The following CEACAM16 variants were observed in gnomAD, a reference collection of about 807,000 sequenced individuals.
CEACAM16 encodes cell adhesion molecule CEACAM16.
A neutral mutation model predicts 39.4 loss-of-function variants in CEACAM16; 30 were observed. That is an observed-to-expected ratio of 0.76 (90% CI 0.57 to 1.03). The LOEUF is 1.03. Among genes scored for constraint, CEACAM16 ranks in the 50% least tolerant of loss-of-function variants. CEACAM16 has a pLI of 0.00. For synonymous variants in CEACAM16, 262 were observed against 264.9 expected (o/e 0.99, Z 0.11); for missense variants, 521 against 585.3 (o/e 0.89, Z 1.13).
chr19:44,708,276 C>T (rs1207822374), intron 6 of CEACAM16, 89 bp downstream of exon 6: 2 of 1,303,498 alleles, frequency 1.5e-6, no homozygotes, highest in African/African-American at 3.0e-5. Context: ...GCTGGGGGGA[C>T]ATAGACCAAA....
chr19:44,705,866 C>T lies in CEACAM16; in HGVS notation c.938C>T (p.Ser313Phe), dbSNP rs1027930486. Residue 313 changes from serine to phenylalanine, a missense_variant and splice_region_variant, in exon 5 of 7, where the codon TCT becomes TTT. By Grantham distance (155) the Ser-to-Phe change is radical. Transcript: ENST00000587331. ...SGSASVVVKL[S>F]AAAVATMIVP... ...TCTGCCTCAGTCGTGGTCAAGCTCT[C>T]TGGTGAGTCACCCCCAGCCTGACCA... The T allele has an allele frequency of 6.8e-6, 11 of 1,609,570 alleles. No individual in the cohort carries two copies. The highest frequency in any genetic ancestry group is 9.4e-6 in the Non-Finnish European group (11 of 1,176,408).
Position 44,704,194 on chromosome 19 carries a change from G to T in CEACAM16, c.559G>T (p.Ala187Ser). 3 of 1,564,758 alleles carry T rather than the reference G, an allele frequency of 1.9e-6. No homozygotes were observed. Among genetic ancestry groups the T allele is most frequent in the South Asian group, 1.2e-5 (1 of 85,166 alleles). The change falls in exon 4 of 7, where the codon GCC (alanine) becomes TCC (serine). Residue 187 changes from alanine to serine, a missense_variant. Coordinates refer to ENST00000587331, the MANE Select transcript of CEACAM16 (RefSeq NM_001039213.4). ...LGLSPDGRVL[A>S]RHGIRREEAG... ...CCTGTCCCCTGACGGCCGGGTGCTGGCCAGGCATGGCATCCGCCGGGAGGA... is the reference window on the plus strand; with the variant it reads ...CCTGTCCCCTGACGGCCGGGTGCTGTCCAGGCATGGCATCCGCCGGGAGGA...
rs1339448315 is a variant in CEACAM16 at position 44,701,389 on chromosome 19, A to G, written c.-68A>G. The G allele has an allele frequency of 2.0e-6, 3 of 1,523,554 alleles. No individual in the cohort carries two copies. The highest frequency in any genetic ancestry group is 2.7e-6 in the Non-Finnish European group (3 of 1,121,248). 94.4% of individuals were successfully genotyped at this position (1,523,554 alleles called of 1,614,324 possible). A position where few individuals can be genotyped will look rare whatever the true frequency, so the allele number is the denominator to read the frequency against. ...CTGCGGCAGACGGAGCCGAGCCCCA[A>G]CCAGGAAGGGAGTCCGAGCACTGGG... On this transcript the variant is annotated 5_prime_UTR_variant, in exon 2 of 7. Transcript: ENST00000587331. This position sits in a 1 kb window ranked among gnomAD's most constrained non-coding sequence, Gnocchi z 4.0.
At chr19:44,699,431 CTT>C (rs199957735) in intron 1 of CEACAM16, 171 bp downstream of exon 1, 31 of 403,194 alleles carry the variant, frequency 7.7e-5, no homozygotes, top group Admixed American at 1.9e-4. Context: ...AGAGCCTATA[CTT>C]TTTTTTTTTT....
At chr19:44,705,302 A>G (rs1310222785) in intron 4 of CEACAM16, among the ~76,000 whole-genome samples, 2 of 151,780 alleles carry the variant, frequency 1.3e-5, no homozygotes, top group Non-Finnish European at 2.9e-5. Context: ...GAAAAAAAAA[A>G]TCATTTAGGC....
intron 1 of CEACAM16, 95 bp downstream of exon 1, chr19:44,699,355 CTG>C (rs1286756099): frequency 2.0e-6 from 1 of 510,200 alleles, no homozygotes; most frequent in Non-Finnish European, 4.1e-6. Context: ...AATAAGGAAA[CTG>C]AGGCTTGGCA....
intron 2 of CEACAM16, among the ~76,000 whole-genome samples, chr19:44,702,945 G>A (rs1473742862): frequency 6.6e-5 from 10 of 152,182 alleles, no homozygotes; most frequent in Non-Finnish European, 1.3e-4. Context: ...CACAACACAC[G>A]CCTCCCTCCC....
In CEACAM16 at chr19:44,700,893, G is replaced by A. The variant is rs77313492; in HGVS notation, c.-96-468G>A. ...AAATCCCCTCTCCCTGCAGGAACCCGGACAAGTGGGAGTCCCCACCTAGCT... is the reference window on the plus strand; with the variant it reads ...AAATCCCCTCTCCCTGCAGGAACCCAGACAAGTGGGAGTCCCCACCTAGCT... On this transcript the variant is annotated intron_variant, in intron 1 of 6. Coordinates refer to ENST00000587331, the MANE Select transcript of CEACAM16 (RefSeq NM_001039213.4). Among the ~76,000 whole-genome samples, 358 of 152,290 alleles carry A rather than the reference G, an allele frequency of 2.4e-3. 6 individuals are homozygous for A. The East Asian group carries it at 0.048, about 20-fold the overall frequency.
In CEACAM16 at chr19:44,701,515, C is replaced by T. The variant is rs996517970; in HGVS notation, c.37+22C>T. On this transcript the variant is annotated intron_variant, in intron 2 of 6. Coordinates refer to ENST00000587331, the MANE Select transcript of CEACAM16 (RefSeq NM_001039213.4). The surrounding 1 kb of genome is among the most constrained non-coding windows in gnomAD (Gnocchi z 4.0). The stretch of plus-strand genomic sequence containing the variant: ...AGTGGTGAGCGAGAATGGCACCCCC[C>T]AGCACCTCAGCCCCCCGAGGACCCC... 5.1e-6 allele frequency: 8 copies of T among 1,557,574 alleles called. No individual in the cohort carries two copies. The highest frequency in any genetic ancestry group is 7.0e-6 in the Non-Finnish European group (8 of 1,150,498).
intron 4 of CEACAM16, among the ~76,000 whole-genome samples, chr19:44,704,698 A>C (rs146063766): frequency 7.4e-4 from 113 of 152,176 alleles, no homozygotes; most frequent in African/African-American, 2.6e-3. Flanking sequence ...TGATTGCACC[A>C]CTGCACTCCA....
chr19:44,704,156 C>A lies in CEACAM16; in HGVS notation c.521C>A (p.Ala174Asp), dbSNP rs758324906. The A allele has an allele frequency of 7.6e-6, 12 of 1,588,840 alleles. No individual in the cohort carries two copies. The highest frequency in any genetic ancestry group is 1.0e-5 in the Non-Finnish European group (12 of 1,168,642). Residue 174 changes from alanine (A) to aspartate (D), a missense_variant, in exon 4 of 7, where the codon GCT (alanine) becomes GAT (aspartate). By Grantham distance (126) the Ala-to-Asp change is moderately radical (BLOSUM62 -2). Transcript: ENST00000587331. Reference sequence around the variant, plus strand: ...TTCAACGGTGGGGCCCTGCCCGTCGCTCTCCGCCTGGGCCTGTCCCCTGAC... The same window carrying A: ...TTCAACGGTGGGGCCCTGCCCGTCGATCTCCGCCTGGGCCTGTCCCCTGAC... The part of the protein sequence containing the change: ...WFFNGGALPV[A>D]LRLGLSPDGR...
intron 3 of CEACAM16, 36 bp from the exon 4 acceptor site, chr19:44,703,982 T>C: frequency 6.5e-7 from 1 of 1,544,452 alleles, no homozygotes; most frequent in Non-Finnish European, 8.8e-7. Context: ...GCAGGTGGTG[T>C]CCGGCCCCCT....
Position 44,710,625 on chromosome 19 carries a change from T to C in CEACAM16, c.*119T>C. 1 of 1,422,090 alleles carries C rather than the reference T, an allele frequency of 7.0e-7. No homozygotes were observed. The highest frequency in any genetic ancestry group is 1.2e-5 in the South Asian group (1 of 86,168). The allele number at this position is 1,422,090 out of a possible 1,614,324, so 88.1% of individuals were successfully genotyped here. A position where few individuals can be genotyped will look rare whatever the true frequency, so the allele number is the denominator to read the frequency against. On this transcript the variant is annotated 3_prime_UTR_variant, in exon 7 of 7. Coordinates refer to ENST00000587331, the MANE Select transcript of CEACAM16 (RefSeq NM_001039213.4). ...ATGCCAGGCTGTGGTCCTGCTGTTC[T>C]CCTGCCTCCACCCTAGAGCTAGAGC...
rs762263810 is a variant in CEACAM16, at chr19:44,704,072, G to A, written c.437G>A (p.Arg146Gln). 1.1e-5 allele frequency: 17 copies of A among 1,610,208 alleles called. No homozygotes were observed. The highest frequency in any genetic ancestry group is 2.0e-4 in the Middle Eastern group (1 of 4,984). The change falls in exon 4 of 7, where the codon CGA becomes CAA. Residue 146 changes from arginine (R) to glutamine (Q), a missense_variant. Physicochemically the swap from Arg to Gln is conservative, Grantham distance 43. Coordinates refer to ENST00000587331, the MANE Select transcript of CEACAM16 (RefSeq NM_001039213.4). ...LANSTALVERRDTLRLMCSSP... is the reference protein window; with the variant it reads ...LANSTALVERQDTLRLMCSSP... The stretch of plus-strand genomic sequence containing the variant: ...AACAGCACAGCGCTGGTGGAACGTC[G>A]AGACACCCTGCGCCTTATGTGCAGC...
chr19:44,700,823 C>A (rs1400484957), intron 1 of CEACAM16, among the ~76,000 whole-genome samples: 2 of 152,238 alleles, frequency 1.3e-5, no homozygotes, highest in African/African-American at 4.8e-5. Context: ...TGTGGCCATA[C>A]AGTTTCCTGC....
chr19:44,704,717 G>A lies in CEACAM16; in HGVS notation c.661+421G>A, dbSNP rs1225008943. Among the ~76,000 whole-genome samples the A allele has an allele frequency of 2.0e-5, 3 of 151,202 alleles. 1 individual carries two copies. Among genetic ancestry groups the A allele is most frequent in the Admixed American group, 1.3e-4 (2 of 15,160 alleles). On this transcript the variant is annotated intron_variant, in intron 4 of 6. Transcript: ENST00000587331. Reference sequence around the variant, plus strand: ...TGCACCACTGCACTCCAGCCTGGGCGACAGAGCAAGATGCTGTCTCAAAAA... The same window carrying A: ...TGCACCACTGCACTCCAGCCTGGGCAACAGAGCAAGATGCTGTCTCAAAAA...
chr19:44,701,475 A>G lies in CEACAM16; in HGVS notation c.19A>G (p.Ser7Gly). The G allele has an allele frequency of 6.4e-7, 1 of 1,566,272 alleles. No individual in the cohort carries two copies. Among genetic ancestry groups the G allele is most frequent in the South Asian group, 1.2e-5 (1 of 85,022 alleles). Residue 7 changes from serine (S) to glycine (G), a missense_variant, in exon 2 of 7, where the codon AGC becomes GGC. Ser to Gly is a moderately conservative substitution (Grantham distance 56). Transcript: ENST00000587331. This position sits in a 1 kb window ranked among gnomAD's most constrained non-coding sequence, Gnocchi z 4.0. The part of the protein sequence containing the change: MALTGY[S>G]WLLLSATFLN... ...GTGAAAGATGGCGCTGACTGGGTAC[A>G]GCTGGCTGCTCCTCAGTGGTGAGCG...
In CEACAM16 at chr19:44,703,665, G is replaced by A. The variant is rs1270966080; in HGVS notation, c.354G>A (p.Glu118=). The change falls in exon 3 of 7, where the codon GAG becomes GAA. Residue 118 remains glutamate (E), a synonymous_variant. Coordinates refer to ENST00000587331, the MANE Select transcript of CEACAM16 (RefSeq NM_001039213.4). ...CCTTCAACAGGCAGTTGCAGACCGA[G>A]GTGGGCTACGGACACGTGCAGGTCC... ...LQTFNRQLQT[E]VGYGHVQVHE... 6.4e-7 allele frequency: 1 copy of A among 1,569,850 alleles called. No homozygotes were observed. The highest frequency in any genetic ancestry group is 8.7e-7 in the Non-Finnish European group (1 of 1,154,720).
In CEACAM16 at chr19:44,706,269, TACACACAC is replaced by T. The variant is rs57354088; in HGVS notation, c.940+437_940+444del. 1.7e-3 allele frequency among the ~76,000 whole-genome samples: 223 copies of T among 132,700 alleles called. 1 individual carries two copies. Among genetic ancestry groups the T allele is most frequent in the South Asian group, 8.0e-3 (31 of 3,876 alleles). 87.1% of individuals were successfully genotyped at this position (132,700 alleles called of 152,430 possible). A position where few individuals can be genotyped will look rare whatever the true frequency, so the allele number is the denominator to read the frequency against. Reference sequence around the variant, plus strand: ...AGTTATCTGACCCAGATGATGGGTATACACACACACACACACACACACACACACACACA... The same window carrying T: ...AGTTATCTGACCCAGATGATGGGTATACACACACACACACACACACACACA... On this transcript the variant is annotated intron_variant, in intron 5 of 6. Transcript: ENST00000587331.
Sources: allele counts gnomAD v4.1 joint callset (sites outside exome capture counted in the v4.1 genomes callset), GRCh38; gene constraint gnomAD v4.1.1; non-coding constraint Gnocchi (gnomAD v3.1); transcripts MANE v1.5; gene names NCBI Gene and HGNC (gene_info 2026-07-23, HGNC 2026-07-21).